ZNF345: variants seen among roughly 807,000 people sequenced by gnomAD.
ZNF345 encodes zinc finger protein 345, also known as zinc finger protein HZF10.
For synonymous variants in ZNF345, 166 were observed against 187.9 expected, an observed-to-expected ratio of 0.88 and a Z score of 0.95; for missense variants, 527 against 589.9, an observed-to-expected ratio of 0.89 and a Z score of 1.10.
intron 2 of ZNF345, among the ~76,000 whole-genome samples, chr19:36,865,530 G>A (rs1223902693): frequency 6.6e-6 from 1 of 151,962 alleles, no homozygotes; most frequent in Non-Finnish European, 1.5e-5. Context: ...GTTCGATCTC[G>A]GCTCACTGCA....
At chr19:36,887,190 C>T (rs565770966) in intron 3 of ZNF345, among the ~76,000 whole-genome samples, 1 of 147,768 alleles carries the variant, frequency 6.8e-6, no homozygotes, top group Non-Finnish European at 1.5e-5. Flanking sequence ...ACCACCACCA[C>T]CACCACCAAC....
chr19:36,871,953 G>A (rs2040960123), intron 2 of ZNF345, among the ~76,000 whole-genome samples: 1 of 152,078 alleles, frequency 6.6e-6, no homozygotes, highest in South Asian at 2.1e-4. Context: ...TTTTAGTAGA[G>A]ACGGGGTTTC....
At position 36,878,423 on chromosome 19, in the gene ZNF345, A is replaced by C; in HGVS notation, c.*126A>C. On this transcript the variant is annotated 3_prime_UTR_variant, in exon 3 of 3. Transcript: ENST00000420450. ...GCTTCACAGGTTAGTCAGTCTAAGAATATTTATACAGGAAAAAAATCACCC... is the reference window on the plus strand; with the variant it reads ...GCTTCACAGGTTAGTCAGTCTAAGACTATTTATACAGGAAAAAAATCACCC... The C allele has an allele frequency of 1.3e-6, 1 of 754,736 alleles. No individual in the cohort carries two copies. The highest frequency in any genetic ancestry group is 2.0e-6 in the Non-Finnish European group (1 of 509,618). 46.8% of individuals were successfully genotyped at this position (754,736 alleles called of 1,614,324 possible).
Position 36,878,377 on chromosome 19 carries a change from A to G in ZNF345, c.*80A>G. 7.3e-7 allele frequency: 1 copy of G among 1,366,662 alleles called. No homozygotes were observed. The highest frequency in any genetic ancestry group is 1.5e-5 in the South Asian group (1 of 66,740). 84.7% of individuals were successfully genotyped at this position (1,366,662 alleles called of 1,614,324 possible). On this transcript the variant is annotated 3_prime_UTR_variant, in exon 3 of 3. Coordinates refer to ENST00000420450, the MANE Select transcript of ZNF345 (RefSeq NM_001242472.2). The stretch of plus-strand genomic sequence containing the variant: ...GTGAAAATCTCTACAAATAGAACTA[A>G]GGTACAAATGCCTTACTTATGCTTC...
chr19:36,892,345 G>GT, intron 3 of ZNF345: 1 of 1,613,684 alleles, frequency 6.2e-7, no homozygotes, highest in Non-Finnish European at 8.5e-7. Flanking sequence ...TTCACTCATA[G>GT]TTTTTTGAGG....
chr19:36,887,975 C>T (rs2073012962), intron 3 of ZNF345: 1 of 152,014 alleles, frequency 6.6e-6, no homozygotes, highest in Non-Finnish European at 1.5e-5. Context: ...AAAAAGATTT[C>T]TGCTTATTAA....
chr19:36,868,276 A>G (rs2072702630), intron 2 of ZNF345, among the ~76,000 whole-genome samples: 1 of 152,114 alleles, frequency 6.6e-6, no homozygotes, highest in African/African-American at 2.4e-5. Context: ...TGCTGGGATT[A>G]CAGGCGTGAG....
downstream of ZNF345, among the ~76,000 whole-genome samples, chr19:36,883,788 G>A (rs896075248): frequency 6.6e-6 from 1 of 152,102 alleles, no homozygotes; most frequent in Non-Finnish European, 1.5e-5. Context: ...ATTATTTCAT[G>A]CAACAATAAG....
intron 2 of ZNF345, among the ~76,000 whole-genome samples, chr19:36,863,975 A>G (rs1260485620): frequency 6.6e-6 from 1 of 152,196 alleles, no homozygotes; most frequent in Non-Finnish European, 1.5e-5. Flanking sequence ...GTCAATCCCA[A>G]AGGATTAGCA....
chr19:36,854,997 A>G (rs1049815739), intron 2 of ZNF345, among the ~76,000 whole-genome samples: 26 of 143,674 alleles, frequency 1.8e-4, no homozygotes, highest in African/African-American at 2.3e-4. Context: ...GACTACACGC[A>G]CCCGCCACCA....
intron 2 of ZNF345, among the ~76,000 whole-genome samples, chr19:36,853,155 A>G (rs756027543): frequency 6.7e-6 from 1 of 149,890 alleles, no homozygotes; most frequent in African/African-American, 2.4e-5. Context: ...ATCATTTCCT[A>G]TGGTTAGTCT....
chr19:36,877,179 C>G lies in ZNF345; in HGVS notation c.349C>G (p.Pro117Ala). The G allele has an allele frequency of 1.2e-6, 2 of 1,614,012 alleles. No homozygotes were observed. The highest frequency in any genetic ancestry group is 1.7e-6 in the Non-Finnish European group (2 of 1,179,998). Residue 117 changes from proline (P) to alanine (A), a missense_variant, in exon 3 of 3, where the codon CCT (proline) becomes GCT (alanine). By Grantham distance (27) the Pro-to-Ala change is conservative. Coordinates refer to ENST00000420450, the MANE Select transcript of ZNF345 (RefSeq NM_001242472.2). The stretch of plus-strand genomic sequence containing the variant: ...TCAAAGAATTCATACTGGTGAGAAG[C>G]CTTTTGAATGTAAAGAATGTGGGAA... Reference protein sequence around the residue: ...YHQRIHTGEKPFECKECGKAF... With the variant: ...YHQRIHTGEKAFECKECGKAF...
At chr19:36,880,807 C>T (rs1476844556), downstream of ZNF345, among the ~76,000 whole-genome samples, 1 of 152,030 alleles carries the variant, frequency 6.6e-6, no homozygotes, top group Non-Finnish European at 1.5e-5. Context: ...TAACTAAAAT[C>T]AAATACATTA....
At chr19:36,852,531 C>T (rs1037904141) in intron 2 of ZNF345, among the ~76,000 whole-genome samples, 3 of 150,894 alleles carry the variant, frequency 2.0e-5, no homozygotes, top group African/African-American at 4.9e-5. Context: ...CGCTTGAACC[C>T]GGGAGGCAGA....
At chr19:36,882,036 C>T (rs2072971083), downstream of ZNF345, among the ~76,000 whole-genome samples, 1 of 144,850 alleles carries the variant, frequency 6.9e-6, no homozygotes. Flanking sequence ...TGAAGGAGTC[C>T]CATTCATTTT....
At chr19:36,868,319 A>G (rs1010335169) in intron 2 of ZNF345, among the ~76,000 whole-genome samples, 2 of 151,894 alleles carry the variant, frequency 1.3e-5, no homozygotes, top group African/African-American at 2.4e-5. Flanking sequence ...CACATTTTAT[A>G]TTTGCATGTG....
chr19:36,892,978 C>T (rs763165908), exon 4 of ZNF345: 22 of 439,628 alleles, frequency 5.0e-5, no homozygotes, highest in African/African-American at 4.1e-4. Context: ...CCAGGGCATG[C>T]ACCATGCGTG....
At chr19:36,866,631 C>T (rs1369414006) in intron 2 of ZNF345, among the ~76,000 whole-genome samples, 1 of 152,146 alleles carries the variant, frequency 6.6e-6, no homozygotes, top group Non-Finnish European at 1.5e-5. Context: ...CTCACTGCAA[C>T]CTCCACCTCC....
exon 4 of ZNF345, chr19:36,892,893 C>T (rs1268814374): frequency 8.6e-7 from 1 of 1,158,064 alleles, no homozygotes; most frequent in South Asian, 4.0e-5. Flanking sequence ...GACTGCAAGG[C>T]CATCAGCATG....
Sources: allele counts gnomAD v4.1 joint callset (sites outside exome capture counted in the v4.1 genomes callset), GRCh38; gene constraint gnomAD v4.1.1; transcripts MANE v1.5; gene names NCBI Gene and HGNC (gene_info 2026-07-23, HGNC 2026-07-21).